Variants in MAP3K19 observed in about 807,000 individuals in gnomAD.
MAP3K19 encodes the protein mitogen-activated protein kinase kinase kinase 19, also known as SPS1/STE20-related protein kinase YSK4.
MAP3K19 carries 91 observed loss-of-function variants against 114.4 expected under a neutral mutation model. The observed-to-expected ratio is 0.80, with a 90% CI of 0.67 to 0.95. MAP3K19 has a LOEUF of 0.95. Ranked by LOEUF, MAP3K19 falls within the 40% of genes least tolerant of loss-of-function variation. The probability of loss-of-function intolerance (pLI) is 0.00; values close to 1 mark genes in which losing one functional copy is unlikely to be tolerated. For missense variants in MAP3K19, 1,471 were observed against 1,573.2 expected, an observed-to-expected ratio of 0.94 and a Z score of 1.10; for synonymous variants, 518 against 530.5, an observed-to-expected ratio of 0.98 and a Z score of 0.32.
At chr2:134,996,872 C>T (rs1686029038) in intron 8 of MAP3K19, among the ~76,000 whole-genome samples, 1 of 151,816 alleles carries the variant, frequency 6.6e-6, no homozygotes, top group Admixed American at 6.6e-5. Flanking sequence ...CCATCTGTAC[C>T]AAAAAACAAA....
intron 5 of MAP3K19, among the ~76,000 whole-genome samples, chr2:135,005,769 C>T (rs564796930): frequency 6.6e-6 from 1 of 152,266 alleles, no homozygotes; most frequent in African/African-American, 2.4e-5. Flanking sequence ...GAAATCACAT[C>T]GACACATAGA....
chr2:134,982,519 T>G (rs1684778957), intron 11 of MAP3K19, among the ~76,000 whole-genome samples: 1 of 151,496 alleles, frequency 6.6e-6, no homozygotes. Flanking sequence ...CCTGGCTAAT[T>G]TTTGTATTTT....
At chr2:135,033,865 C>G in intron 2 of MAP3K19, among the ~76,000 whole-genome samples, 1 of 26,084 alleles carries the variant, frequency 3.8e-5, no homozygotes, top group Admixed American at 3.7e-4. Flanking sequence ...GGTGGCTGGC[C>G]TGGCGGGGGC....
chr2:135,044,866 A>G (rs886259933), intron 1 of MAP3K19, among the ~76,000 whole-genome samples: 2 of 152,210 alleles, frequency 1.3e-5, no homozygotes, highest in African/African-American at 2.4e-5. Flanking sequence ...TAGTGCTGTT[A>G]TATTACATTG....
At chr2:135,045,468 A>G (rs755112795) in intron 1 of MAP3K19, among the ~76,000 whole-genome samples, 1 of 152,218 alleles carries the variant, frequency 6.6e-6, no homozygotes, top group East Asian at 1.9e-4. Context: ...TTCAGGGGGA[A>G]AAAAGGTTTT....
At chr2:134,968,836 G>A (rs1683635031) in intron 12 of MAP3K19, among the ~76,000 whole-genome samples, 1 of 151,602 alleles carries the variant, frequency 6.6e-6, no homozygotes, top group Non-Finnish European at 1.5e-5. Flanking sequence ...TGGGATGGCG[G>A]CTGGGCAGAG....
intron 6 of MAP3K19, 67 bp downstream of exon 6, chr2:135,005,368 G>A (rs1160438310): frequency 1.7e-6 from 2 of 1,196,510 alleles, no homozygotes; most frequent in Non-Finnish European, 2.5e-6. Context: ...AAGCCCTTCT[G>A]AAATTGGAGA....
chr2:134,999,970 T>A lies in MAP3K19; in HGVS notation c.281A>T (p.Gln94Leu). 6.2e-7 allele frequency: 1 copy of A among 1,611,866 alleles called. No homozygotes were observed. Among genetic ancestry groups the A allele is most frequent in the East Asian group, 2.2e-5 (1 of 44,842 alleles). The change falls in exon 7 of 13, where the codon CAA becomes CTA. Residue 94 changes from glutamine to leucine, a missense_variant. Gln to Leu is a moderately radical substitution (Grantham distance 113). Transcript: ENST00000392915. The surrounding 1 kb of genome is among the most constrained non-coding windows in gnomAD (Gnocchi z 4.1). ...VTFPRDVSPPQEMSQEDLKEK... is the reference protein window; with the variant it reads ...VTFPRDVSPPLEMSQEDLKEK... ...TTTTAAGTCTTCTTGGCTCATTTCT[T>A]GGGGAGGACTGACATCTCTTGGAAA...
rs762960104 is a variant in MAP3K19 at position 134,981,193 on chromosome 2, A to C, written c.3548T>G (p.Val1183Gly). The change falls in exon 12 of 13, where the codon GTA becomes GGA. Residue 1183 changes from valine (V) to glycine (G), a missense_variant. Coordinates refer to ENST00000392915, the MANE Select transcript of MAP3K19 (RefSeq NM_025052.5). ...GVAYLHENCVVHRDIKGNNVM... is the reference protein window; with the variant it reads ...GVAYLHENCVGHRDIKGNNVM... ...ATTATTTCCTTTGATATCGCGATGT[A>C]CCACACAGTTCTCATGGAGATAAGC... 6.2e-7 allele frequency: 1 copy of C among 1,614,174 alleles called. No homozygotes were observed. Among genetic ancestry groups the C allele is most frequent in the South Asian group, 1.1e-5 (1 of 91,084 alleles).
At chr2:135,016,318 TC>T (rs1687584959) in intron 5 of MAP3K19, among the ~76,000 whole-genome samples, 1 of 152,228 alleles carries the variant, frequency 6.6e-6, no homozygotes. Context: ...GAAAATTCTT[TC>T]CCCTATTTCA....
chr2:134,969,391 G>T (rs1376327128), intron 12 of MAP3K19, among the ~76,000 whole-genome samples: 1 of 151,960 alleles, frequency 6.6e-6, no homozygotes. Context: ...AGAGGGAGAG[G>T]GAAAGGGAGA....
At position 135,041,338 on chromosome 2, in the gene MAP3K19, C is replaced by CT. The variant is rs761486547; in HGVS notation, c.-423-837dup. Reference sequence around the variant, plus strand: ...CGAACTACCCTCTCCTGCATGGAACCTTTTTTTTTTTTTTAATTTTGAGAT... The same window carrying CT: ...CGAACTACCCTCTCCTGCATGGAACCTTTTTTTTTTTTTTTAATTTTGAGAT... On this transcript the variant is annotated intron_variant, in intron 1 of 12. Coordinates refer to ENST00000392915, the MANE Select transcript of MAP3K19 (RefSeq NM_025052.5). 7.6e-3 allele frequency among the ~76,000 whole-genome samples: 1,091 copies of CT among 142,888 alleles called. 13 individuals are homozygous for CT. Among genetic ancestry groups the CT allele is most frequent in the African/African-American group, 0.025 (972 of 39,046 alleles). 93.7% of individuals were successfully genotyped at this position (142,888 alleles called of 152,430 possible). A position where few individuals can be genotyped will look rare whatever the true frequency, so the allele number is the denominator to read the frequency against.
At chr2:134,989,953 G>A (rs1487895228) in intron 9 of MAP3K19, among the ~76,000 whole-genome samples, 3 of 151,922 alleles carry the variant, frequency 2.0e-5, no homozygotes, top group Non-Finnish European at 1.5e-5. Context: ...GTGGTGGCAG[G>A]TGCCTGTAAT....
At chr2:134,979,641 G>GT (rs774229914) in intron 12 of MAP3K19, among the ~76,000 whole-genome samples, 3,809 of 117,716 alleles carry the variant, frequency 0.032, 185 homozygotes, top group African/African-American at 0.092. Flanking sequence ...CATTTATGCG[G>GT]TTTTTTTTTT....
At chr2:135,032,299 A>G (rs1445986981) in intron 2 of MAP3K19, among the ~76,000 whole-genome samples, 1 of 150,054 alleles carries the variant, frequency 6.7e-6, no homozygotes, top group Non-Finnish European at 1.5e-5. Flanking sequence ...AGAGGTTGCA[A>G]TGAGCTGAGA....
At chr2:135,028,097 A>G (rs1688298463) in intron 3 of MAP3K19, among the ~76,000 whole-genome samples, 2 of 152,202 alleles carry the variant, frequency 1.3e-5, no homozygotes, top group African/African-American at 4.8e-5. Context: ...TGGCAACCCT[A>G]TTTGCTAAAC....
intron 3 of MAP3K19, among the ~76,000 whole-genome samples, chr2:135,029,453 G>A (rs986197631): frequency 1.3e-5 from 2 of 152,174 alleles, no homozygotes; most frequent in African/African-American, 4.8e-5. Context: ...AAAATACATT[G>A]TCTTTCAAAA....
At chr2:134,974,735 A>T (rs564403971) in intron 12 of MAP3K19, among the ~76,000 whole-genome samples, 1 of 152,194 alleles carries the variant, frequency 6.6e-6, no homozygotes, top group Admixed American at 6.5e-5. Flanking sequence ...AAAGATCTGT[A>T]TTCAAGTCCT....
chr2:134,977,394 G>T (rs1175328219), intron 12 of MAP3K19, among the ~76,000 whole-genome samples: 8 of 116,978 alleles, frequency 6.8e-5, no homozygotes, highest in South Asian at 2.7e-4. Flanking sequence ...ATGAAGTCTC[G>T]CTCTGTCACC....
Sources: allele counts gnomAD v4.1 joint callset (sites outside exome capture counted in the v4.1 genomes callset), GRCh38; gene constraint gnomAD v4.1.1; non-coding constraint Gnocchi (gnomAD v3.1); transcripts MANE v1.5; gene names NCBI Gene and HGNC (gene_info 2026-07-23, HGNC 2026-07-21).